Variants in TG observed in about 807,000 individuals in gnomAD.
The protein encoded by TG is thyroglobulin.
A neutral mutation model predicts 324.7 loss-of-function variants in TG; 270 were observed. The ratio of observed to expected loss-of-function variants is 0.83; its 90% confidence interval spans 0.75 to 0.92. The LOEUF is 0.92. TG is among the 40% of genes least tolerant of loss of function. TG has a pLI of 0.00. For synonymous variants in TG, 1,401 were observed against 1,327.0 expected (o/e 1.06, Z -1.21); for missense variants, 3,591 against 3,456.4 (o/e 1.04, Z -0.98).
intron 26 of TG, among the ~76,000 whole-genome samples, chr8:132,946,163 T>TA (rs1255773643): frequency 3.9e-5 from 6 of 152,148 alleles, no homozygotes; most frequent in Admixed American, 1.3e-4. Flanking sequence ...TTTCTGAAGA[T>TA]ACCACAATTT....
chr8:132,911,179 G>C (rs1435317640), intron 18 of TG, among the ~76,000 whole-genome samples, 198 bp from the exon 19 acceptor site: 1 of 152,168 alleles, frequency 6.6e-6, no homozygotes, highest in African/African-American at 2.4e-5. Flanking sequence ...CATGTGACCA[G>C]GGCAGGTTAT....
intron 45 of TG, among the ~76,000 whole-genome samples, chr8:133,121,087 C>T (rs1456200883): frequency 2.0e-5 from 3 of 152,204 alleles, no homozygotes; most frequent in Non-Finnish European, 4.4e-5. Context: ...AACTACCTCC[C>T]GTGGCTCCGT....
At chr8:132,884,089 C>T (rs906509120) in intron 8 of TG, among the ~76,000 whole-genome samples, 1 of 152,196 alleles carries the variant, frequency 6.6e-6, no homozygotes. Flanking sequence ...TGAGTCTTCT[C>T]CTCTTCTTAC....
At chr8:132,905,878 G>T (rs1435490217) in intron 16 of TG, among the ~76,000 whole-genome samples, 1 of 152,188 alleles carries the variant, frequency 6.6e-6, no homozygotes, top group Admixed American at 6.5e-5. Flanking sequence ...GGTCAAAAAG[G>T]AATCTTCCAG....
chr8:133,000,293 A>G (rs1439949381), intron 35 of TG, among the ~76,000 whole-genome samples: 2 of 152,168 alleles, frequency 1.3e-5, no homozygotes, highest in Admixed American at 1.3e-4. Context: ...TCATTGGGGT[A>G]AACAGATGGG....
At chr8:133,070,029 A>AC (rs1554715883) in intron 41 of TG, among the ~76,000 whole-genome samples, 3,821 of 109,562 alleles carry the variant, frequency 0.035, 695 homozygotes, top group East Asian at 0.066. Context: ...AAAAAAAAGA[A>AC]AGAAAGAAAG....
intron 41 of TG, chr8:133,059,262 G>C (rs759735476): frequency 7.7e-6 from 3 of 390,640 alleles, no homozygotes; most frequent in Non-Finnish European, 1.5e-5. Flanking sequence ...GTTCCAAGGT[G>C]CCCCCTGGCT....
rs1819506090 is a variant in TG at position 132,911,399 on chromosome 8, T to A, written c.4025T>A (p.Val1342Asp). Reference protein sequence around the residue: ...QIQVKTFGTLVSIPVCNNSSV... With the variant: ...QIQVKTFGTLDSIPVCNNSSV... The stretch of plus-strand genomic sequence containing the variant: ...TAGGTGAAGACTTTTGGCACCCTGG[T>A]TTCCATTCCTGTCTGCAACAACTCC... The change falls in exon 19 of 48, where the codon GTT becomes GAT. Residue 1342 changes from valine to aspartate, a missense_variant. Transcript: ENST00000220616. 1 of 1,614,208 alleles carries A rather than the reference T, an allele frequency of 6.2e-7. No individual in the cohort carries two copies. Among genetic ancestry groups the A allele is most frequent in the Non-Finnish European group, 8.5e-7 (1 of 1,180,042 alleles).
intron 42 of TG, among the ~76,000 whole-genome samples, chr8:133,095,901 C>T (rs1009704282): frequency 6.6e-6 from 1 of 152,198 alleles, no homozygotes; most frequent in African/African-American, 2.4e-5. Context: ...CCTCTTCAAC[C>T]ACTGTCTCCT....
intron 41 of TG, among the ~76,000 whole-genome samples, chr8:133,081,568 A>G (rs533095408): frequency 6.7e-6 from 1 of 150,268 alleles, no homozygotes; most frequent in South Asian, 2.1e-4. Flanking sequence ...TGGCCCTAAA[A>G]TTATTCTCAG....
chr8:132,893,624 T>C lies in TG; in HGVS notation c.2762-66T>C, dbSNP rs989415644. On this transcript the variant is annotated intron_variant, in intron 10 of 47. Transcript: ENST00000220616. ...TGTGTGTGCGTGAGGGCACACATGC[T>C]TCATGGGAGTCAGAGGGAAGTCCAC... is the stretch of plus-strand genomic sequence containing the variant. 14 of 1,609,606 alleles carry C rather than the reference T, an allele frequency of 8.7e-6. No homozygotes were observed. In the African/African-American group the frequency reaches 1.6e-4, roughly 19 times the overall value.
chr8:132,881,742 G>A, intron 5 of TG, 121 bp from the exon 6 acceptor site: 2 of 755,296 alleles, frequency 2.6e-6, no homozygotes, highest in South Asian at 2.8e-5. Context: ...CAACTGTCAT[G>A]TGATAAGAAA....
Position 133,017,680 on chromosome 8 carries a change from T to C in TG, c.6563-98T>C, listed in dbSNP as rs1465001291. 6.6e-6 allele frequency: 8 copies of C among 1,213,778 alleles called. No individual in the cohort carries two copies. In the South Asian group the frequency reaches 8.5e-5, roughly 13 times the overall value. The allele number at this position is 1,213,778 out of a possible 1,614,324, so 75.2% of individuals were successfully genotyped here. The stretch of plus-strand genomic sequence containing the variant: ...CATTTTCAAGGTGCAAAAACCGTGA[T>C]TTTTCTTTTGTTGAAAGCACATTCA... On this transcript the variant is annotated intron_variant, in intron 37 of 47. Coordinates refer to ENST00000220616, the MANE Select transcript of TG (RefSeq NM_003235.5).
chr8:132,881,224 G>T (rs1038054449), intron 5 of TG, among the ~76,000 whole-genome samples: 1 of 152,134 alleles, frequency 6.6e-6, no homozygotes, highest in African/African-American at 2.4e-5. Flanking sequence ...TGATGAGCTC[G>T]TTATAACAAT....
chr8:132,888,005 A>G lies in TG; in HGVS notation c.2198A>G (p.Gln733Arg), dbSNP rs763762279. 4.3e-6 allele frequency: 7 copies of G among 1,614,018 alleles called. No homozygotes were observed. In the South Asian group the frequency reaches 7.7e-5, roughly 18 times the overall value. Reference protein sequence around the residue: ...PKKCPTPCQLQSEQAFLRTVQ... With the variant: ...PKKCPTPCQLRSEQAFLRTVQ... The stretch of plus-strand genomic sequence containing the variant: ...CCAGGCCCCACGCCCTGTCAATTAC[A>G]GTCTGAGCAAGCTTTCCTCAGGACG... The change falls in exon 10 of 48, where the codon CAG (glutamine) becomes CGG (arginine). Residue 733 changes from glutamine (Q) to arginine (R), a missense_variant. Physicochemically the swap from Gln to Arg is conservative, Grantham distance 43 (BLOSUM62 1). Transcript: ENST00000220616.
chr8:132,935,013 T>A (rs1164510500), intron 24 of TG, among the ~76,000 whole-genome samples: 1 of 152,038 alleles, frequency 6.6e-6, no homozygotes, highest in Non-Finnish European at 1.5e-5. Flanking sequence ...CTCTCATAAC[T>A]GACAGTCCAA....
At chr8:133,124,358 G>A (rs1470525087) in intron 45 of TG, among the ~76,000 whole-genome samples, 2 of 152,158 alleles carry the variant, frequency 1.3e-5, no homozygotes, top group African/African-American at 2.4e-5. Flanking sequence ...GAATGGAAGA[G>A]TGGGGGCTGG....
chr8:133,049,639 C>T (rs1000760185), intron 41 of TG: 1 of 459,306 alleles, frequency 2.2e-6, no homozygotes, highest in African/African-American at 2.0e-5. Flanking sequence ...AGCTGTTTAC[C>T]ACTCTGTGCC....
At chr8:132,894,994 T>C (rs112964478) in intron 11 of TG, among the ~76,000 whole-genome samples, 3,166 of 152,294 alleles carry the variant, frequency 0.021, 120 homozygotes, top group African/African-American at 0.073. Context: ...CTCCAGTTCA[T>C]CTCTCCTGTT....
Sources: gnomAD v4.1 joint callset for allele counts (sites outside exome capture counted in the v4.1 genomes callset) on GRCh38, gnomAD v4.1.1 for gene constraint, MANE v1.5 for transcripts, NCBI Gene and HGNC (gene_info 2026-07-23, HGNC 2026-07-21) for gene names.